The following ANKRD30BL variants were observed in gnomAD, a reference collection of about 807,000 sequenced individuals.
ANKRD30BL encodes ankyrin repeat domain 30B like.
In ANKRD30BL, 20 loss-of-function variants were observed where a neutral mutation model predicts 18.4. The observed-to-expected ratio is 1.09, with a 90% confidence interval of 0.77 to 1.58. The LOEUF is 1.58. Among genes scored for constraint, ANKRD30BL ranks in the 40% most tolerant of loss-of-function variants. The probability of loss-of-function intolerance (pLI) is 0.00; values close to 1 mark genes in which losing one functional copy is unlikely to be tolerated. For missense variants in ANKRD30BL, 224 were observed against 268.6 expected (o/e 0.83, Z 1.16); for synonymous variants, 72 against 100.9 (o/e 0.71, Z 1.72).
At chr2:132,206,201 G>T (rs1030015181) in intron 1 of ANKRD30BL, among the ~76,000 whole-genome samples, 3 of 151,760 alleles carry the variant, frequency 2.0e-5, no homozygotes, top group Admixed American at 2.0e-4. Flanking sequence ...AGGACGGAAG[G>T]GATTTTAAAA....
intron 1 of ANKRD30BL, among the ~76,000 whole-genome samples, chr2:132,182,482 GAA>G (rs997239394): frequency 9.0e-6 from 1 of 110,986 alleles, no homozygotes; most frequent in Non-Finnish European, 1.9e-5. Context: ...CTCCATCTCA[GAA>G]AAAAAAAAAA....
intron 1 of ANKRD30BL, among the ~76,000 whole-genome samples, chr2:132,220,350 G>GTCCCTC (rs1345388299): frequency 1.1e-3 from 91 of 80,194 alleles, no homozygotes; most frequent in African/African-American, 4.8e-3. Flanking sequence ...CCCTCTCCCT[G>GTCCCTC]TCCCTCTCCC....
intron 1 of ANKRD30BL, among the ~76,000 whole-genome samples, chr2:132,179,182 G>A (rs1688415223): frequency 1.3e-5 from 2 of 151,916 alleles, no homozygotes; most frequent in Non-Finnish European, 1.5e-5. Flanking sequence ...CAGACCTATT[G>A]TGCTGCCAGG....
At chr2:132,181,226 C>G (rs1478137390) in intron 1 of ANKRD30BL, among the ~76,000 whole-genome samples, 1 of 151,976 alleles carries the variant, frequency 6.6e-6, no homozygotes, top group Non-Finnish European at 1.5e-5. Flanking sequence ...GTAATCTCAG[C>G]ACTTTGGGAG....
At chr2:132,171,171 A>G (rs1420753582) in intron 1 of ANKRD30BL, among the ~76,000 whole-genome samples, 1 of 151,218 alleles carries the variant, frequency 6.6e-6, no homozygotes, top group Non-Finnish European at 1.5e-5. Flanking sequence ...AAAAAAAAGA[A>G]TAACACTTGG....
At chr2:132,249,020 A>C (rs1680578270) in intron 1 of ANKRD30BL, among the ~76,000 whole-genome samples, 1 of 152,164 alleles carries the variant, frequency 6.6e-6, no homozygotes, top group African/African-American at 2.4e-5. Context: ...GCACAAGAAA[A>C]GAGTTTCCCA....
At chr2:132,230,068 T>C (rs1279811486) in intron 1 of ANKRD30BL, among the ~76,000 whole-genome samples, 1 of 151,990 alleles carries the variant, frequency 6.6e-6, no homozygotes, top group Non-Finnish European at 1.5e-5. Context: ...TCAAACACGC[T>C]TTTTGTAGAA....
At chr2:132,177,660 A>G (rs940701567) in intron 1 of ANKRD30BL, among the ~76,000 whole-genome samples, 6 of 152,228 alleles carry the variant, frequency 3.9e-5, no homozygotes, top group African/African-American at 1.4e-4. Flanking sequence ...CACAATTCAC[A>G]GTAAGGAATT....
intron 1 of ANKRD30BL, among the ~76,000 whole-genome samples, chr2:132,247,021 T>C (rs142439118): frequency 1.5e-5 from 1 of 65,492 alleles, no homozygotes; most frequent in Non-Finnish European, 3.6e-5. Context: ...AACTTCTTTG[T>C]GATGTTTGCA....
intron 1 of ANKRD30BL, among the ~76,000 whole-genome samples, chr2:132,248,736 C>G (rs1195161385): frequency 6.6e-6 from 1 of 150,632 alleles, no homozygotes; most frequent in African/African-American, 2.4e-5. Flanking sequence ...GAATGCACAC[C>G]TTGCAAAACA....
At position 132,254,258 on chromosome 2, in the gene ANKRD30BL, C is replaced by T. The variant is rs113601417; in HGVS notation, n.441+3271G>A. Among the ~76,000 whole-genome samples, 408 of 152,216 alleles carry T rather than the reference C, an allele frequency of 2.7e-3. 4 individuals are homozygous for T. The highest frequency in any genetic ancestry group is 9.2e-3 in the African/African-American group (382 of 41,546). Reference sequence around the variant, plus strand: ...GGGGCCATGCAACGAACAAAGGGCACGACTCCGCCCATGCATGCGCCACAG... The same window carrying T: ...GGGGCCATGCAACGAACAAAGGGCATGACTCCGCCCATGCATGCGCCACAG... On this transcript the variant is annotated intron_variant and non_coding_transcript_variant, in intron 1 of 4. Transcript: ENST00000470729.
chr2:132,195,653 C>A (rs577103171), intron 1 of ANKRD30BL, among the ~76,000 whole-genome samples: 2 of 151,148 alleles, frequency 1.3e-5, no homozygotes, highest in African/African-American at 4.9e-5. Context: ...TAGCAGGGCA[C>A]GGTGGTGGGT....
At chr2:132,221,428 GC>G (rs1489042587) in intron 1 of ANKRD30BL, among the ~76,000 whole-genome samples, 14 of 133,418 alleles carry the variant, frequency 1.0e-4, no homozygotes, top group African/African-American at 2.3e-4. Flanking sequence ...GGGGGGATCA[GC>G]CCCCCGCCTG....
intron 1 of ANKRD30BL, among the ~76,000 whole-genome samples, chr2:132,190,603 T>C (rs1405311882): frequency 6.6e-6 from 1 of 152,092 alleles, no homozygotes; most frequent in African/African-American, 2.4e-5. Flanking sequence ...AATATAGGTA[T>C]ACATTATAGA....
chr2:132,187,168 TTTTG>T (rs1380433596), intron 1 of ANKRD30BL, among the ~76,000 whole-genome samples: 4 of 145,310 alleles, frequency 2.8e-5, no homozygotes, highest in African/African-American at 8.3e-5. Context: ...GTAGGAAGTT[TTTTG>T]TTTTTTTTTT....
chr2:132,207,889 T>C (rs1679239533), intron 1 of ANKRD30BL, among the ~76,000 whole-genome samples: 1 of 152,216 alleles, frequency 6.6e-6, no homozygotes, highest in Non-Finnish European at 1.5e-5. Context: ...TTGTAGTTAG[T>C]ATGATACTAT....
intron 1 of ANKRD30BL, among the ~76,000 whole-genome samples, chr2:132,236,009 G>C (rs1381744335): frequency 6.6e-6 from 1 of 152,090 alleles, no homozygotes; most frequent in Non-Finnish European, 1.5e-5. Flanking sequence ...CAATGGAACA[G>C]AACAGAGCCC....
At chr2:132,232,931 G>A (rs1036112663) in intron 1 of ANKRD30BL, among the ~76,000 whole-genome samples, 6 of 152,246 alleles carry the variant, frequency 3.9e-5, no homozygotes, top group Admixed American at 3.3e-4. Flanking sequence ...AGGGCAGCCA[G>A]AGAGAAAGGT....
intron 1 of ANKRD30BL, among the ~76,000 whole-genome samples, chr2:132,248,768 T>C (rs1240380855): frequency 6.6e-6 from 1 of 152,016 alleles, no homozygotes; most frequent in South Asian, 2.1e-4. Context: ...ACATTCTTTA[T>C]AGTTTTTATT....
Sources: allele counts gnomAD v4.1 joint callset (sites outside exome capture counted in the v4.1 genomes callset), GRCh38; gene constraint gnomAD v4.1.1; transcripts MANE v1.5; gene names NCBI Gene and HGNC (gene_info 2026-07-23, HGNC 2026-07-21).